The following SYNPR variants were observed in gnomAD, a reference collection of about 807,000 sequenced individuals.
SYNPR encodes the protein synaptoporin.
In SYNPR, 23 loss-of-function variants were observed where a neutral mutation model predicts 32.9. That is an observed-to-expected ratio of 0.70 (90% confidence interval 0.50 to 0.99). The LOEUF (loss-of-function observed/expected upper bound fraction) is 0.99, where lower values mean the gene tolerates loss of function less well. SYNPR is among the 50% of genes least tolerant of loss of function. The probability of loss-of-function intolerance (pLI) is 0.00; values close to 1 mark genes in which losing one functional copy is unlikely to be tolerated. For synonymous variants in SYNPR, 146 were observed against 135.9 expected (o/e 1.07, Z -0.52); for missense variants, 318 against 349.3 (o/e 0.91, Z 0.71).
At chr3:63,405,225 G>C (rs1030138122) in intron 2 of SYNPR, among the ~76,000 whole-genome samples, 1 of 152,154 alleles carries the variant, frequency 6.6e-6, no homozygotes, top group Non-Finnish European at 1.5e-5. Context: ...TCTATGGAAA[G>C]GGGCTTCAGA....
At chr3:63,481,905 G>A (rs957151291) in intron 3 of SYNPR, among the ~76,000 whole-genome samples, 1 of 152,164 alleles carries the variant, frequency 6.6e-6, no homozygotes, top group South Asian at 2.1e-4. Context: ...GAGATCATAA[G>A]CTCGGCATGG....
chr3:63,409,281 G>A (rs1214766302), intron 2 of SYNPR, among the ~76,000 whole-genome samples: 3 of 151,948 alleles, frequency 2.0e-5, no homozygotes, highest in Admixed American at 6.6e-5. Context: ...ACTAAACATC[G>A]ATTTTTTTTT....
intron 4 of SYNPR, among the ~76,000 whole-genome samples, chr3:63,586,101 T>G (rs564565618): frequency 6.6e-6 from 1 of 152,096 alleles, no homozygotes; most frequent in Non-Finnish European, 1.5e-5. Context: ...AAGCACAGGA[T>G]AATTTCCTCC....
intron 2 of SYNPR, among the ~76,000 whole-genome samples, chr3:63,262,723 C>A (rs552453445): frequency 1.3e-5 from 2 of 152,152 alleles, no homozygotes; most frequent in Non-Finnish European, 2.9e-5. Context: ...AGTGGCCAAG[C>A]AGCCAAAGTC....
At chr3:63,530,460 A>T (rs1250411308) in intron 3 of SYNPR, among the ~76,000 whole-genome samples, 1 of 152,226 alleles carries the variant, frequency 6.6e-6, no homozygotes, top group Non-Finnish European at 1.5e-5. Context: ...ATATTGAGGA[A>T]TAATAATACC....
At chr3:63,565,646 T>C (rs1411624750) in intron 4 of SYNPR, among the ~76,000 whole-genome samples, 2 of 152,150 alleles carry the variant, frequency 1.3e-5, no homozygotes, top group Non-Finnish European at 2.9e-5. Flanking sequence ...AATCCTAGCA[T>C]TCTGCCCATG....
intron 2 of SYNPR, among the ~76,000 whole-genome samples, chr3:63,325,988 T>C (rs548957641): frequency 2.0e-5 from 3 of 152,084 alleles, no homozygotes; most frequent in Non-Finnish European, 2.9e-5. Context: ...AGATGAGAAA[T>C]TGTCATTTTT....
chr3:63,408,610 G>A (rs1462631303), intron 2 of SYNPR, among the ~76,000 whole-genome samples: 1 of 152,140 alleles, frequency 6.6e-6, no homozygotes, highest in Non-Finnish European at 1.5e-5. Flanking sequence ...AGAAGCTGGA[G>A]AACCTGGAAT....
At chr3:63,377,222 A>G (rs1049187164) in intron 2 of SYNPR, among the ~76,000 whole-genome samples, 1 of 152,186 alleles carries the variant, frequency 6.6e-6, no homozygotes, top group African/African-American at 2.4e-5. Context: ...CAATTTACTT[A>G]AAAGCAGCAG....
intron 5 of SYNPR, among the ~76,000 whole-genome samples, chr3:63,610,878 A>G (rs1004731323): frequency 1.7e-4 from 26 of 152,354 alleles, no homozygotes; most frequent in African/African-American, 6.3e-4. Context: ...ATTATGAATG[A>G]AAAACAATGT....
At chr3:63,284,886 G>A (rs746542671) in intron 2 of SYNPR, among the ~76,000 whole-genome samples, 3 of 152,130 alleles carry the variant, frequency 2.0e-5, no homozygotes, top group African/African-American at 4.8e-5. Flanking sequence ...TTACATCATT[G>A]TGTTGAATCT....
At chr3:63,353,067 G>C (rs943063690) in intron 2 of SYNPR, among the ~76,000 whole-genome samples, 1 of 152,198 alleles carries the variant, frequency 6.6e-6, no homozygotes, top group Non-Finnish European at 1.5e-5. Context: ...AAAGATGGTG[G>C]AGAATCTTTA....
chr3:63,201,887 C>T, the SYNPR span, among the ~76,000 whole-genome samples: 1 of 151,840 alleles, frequency 6.6e-6, no homozygotes, highest in Non-Finnish European at 1.5e-5. Context: ...TACAAATTTA[C>T]CCTTCCCCCC....
chr3:63,290,577 C>T (rs933683858), intron 2 of SYNPR, among the ~76,000 whole-genome samples: 1 of 151,486 alleles, frequency 6.6e-6, no homozygotes, highest in Non-Finnish European at 1.5e-5. Context: ...TTTTTTTTAA[C>T]AAAATCTTTA....
chr3:63,207,466 A>G, the SYNPR span, among the ~76,000 whole-genome samples: 1 of 152,210 alleles, frequency 6.6e-6, no homozygotes, highest in Non-Finnish European at 1.5e-5. Flanking sequence ...CATAGGAAAC[A>G]TTTGTCACTA....
chr3:63,419,506 G>T (rs2088580898), intron 2 of SYNPR, among the ~76,000 whole-genome samples: 1 of 152,044 alleles, frequency 6.6e-6, no homozygotes, highest in South Asian at 2.1e-4. Flanking sequence ...CAGGTCTAAG[G>T]CCTGCTTAGT....
chr3:63,293,553 A>G lies in SYNPR; in HGVS notation c.84+14811A>G, dbSNP rs1247321398. On this transcript the variant is annotated intron_variant, in intron 2 of 5. Transcript: ENST00000478300. Reference sequence around the variant, plus strand: ...AAACCACATAATGTATTAATTTGCTAGAGACTTACAAACTAAGTAGCTTAA... The same window carrying G: ...AAACCACATAATGTATTAATTTGCTGGAGACTTACAAACTAAGTAGCTTAA... Among the ~76,000 whole-genome samples the G allele has an allele frequency of 2.0e-5, 3 of 152,210 alleles. No homozygotes were observed. The East Asian group carries it at 5.8e-4, about 29-fold the overall frequency.
intron 2 of SYNPR, among the ~76,000 whole-genome samples, chr3:63,416,341 G>A (rs2088538339): frequency 6.6e-6 from 1 of 151,970 alleles, no homozygotes; most frequent in Admixed American, 6.5e-5. Flanking sequence ...GACTAGGTTG[G>A]GCAACATGGT....
chr3:63,239,454 T>A (rs1186565651), intron 1 of SYNPR, among the ~76,000 whole-genome samples: 107 of 148,490 alleles, frequency 7.2e-4, no homozygotes, highest in African/African-American at 2.3e-3. Flanking sequence ...CACCTTACCA[T>A]GAGTGCATGG....
Sources: allele counts gnomAD v4.1 joint callset (sites outside exome capture counted in the v4.1 genomes callset), GRCh38; gene constraint gnomAD v4.1.1; transcripts MANE v1.5; gene names NCBI Gene and HGNC (gene_info 2026-07-23, HGNC 2026-07-21).